The following AP5B1 variants were observed in gnomAD, a reference collection of about 807,000 sequenced individuals.
The protein encoded by AP5B1 is AP-5 complex subunit beta-1.
In AP5B1, 3 loss-of-function variants were observed where a neutral mutation model predicts 5.7. The observed-to-expected ratio is 0.53, with a 90% CI of 0.24 to 1.36. AP5B1 has a LOEUF of 1.36. AP5B1 is among the 40% of genes most tolerant of loss of function. The probability of loss-of-function intolerance (pLI) is 0.17; values close to 1 mark genes in which losing one functional copy is unlikely to be tolerated. For missense variants in AP5B1, 1,310 were observed against 1,143.2 expected (o/e 1.15, Z -2.10); for synonymous variants, 696 against 555.5 (o/e 1.25, Z -3.56).
Position 65,778,661 on chromosome 11 carries a change from T to C in AP5B1, c.1832A>G (p.His611Arg), listed in dbSNP as rs1314220238. The C allele has an allele frequency of 6.4e-7, 1 of 1,562,588 alleles. No individual in the cohort carries two copies. The highest frequency in any genetic ancestry group is 8.6e-7 in the Non-Finnish European group (1 of 1,158,200). The change falls in exon 2 of 2, where the codon CAC becomes CGC. Residue 611 changes from histidine to arginine, a missense_variant. His to Arg is a conservative substitution (Grantham distance 29). Transcript: ENST00000532090. ...RQLEDPDGRD[H>R]ARLYYILLAH... ...CAGCAGGATGTAGTAGAGGCGGGCGTGGTCACGCCCATCAGGGTCCTCCAG... is the reference window on the plus strand; with the variant it reads ...CAGCAGGATGTAGTAGAGGCGGGCGCGGTCACGCCCATCAGGGTCCTCCAG...
Position 65,777,792 on chromosome 11 carries a change from C to T in AP5B1, c.*64G>A, listed in dbSNP as rs1463369538. 3 of 1,441,040 alleles carry T rather than the reference C, an allele frequency of 2.1e-6. No individual in the cohort carries two copies. Among genetic ancestry groups the T allele is most frequent in the Non-Finnish European group, 2.7e-6 (3 of 1,094,008 alleles). 89.3% of individuals were successfully genotyped at this position (1,441,040 alleles called of 1,614,324 possible). A position where few individuals can be genotyped will look rare whatever the true frequency, so the allele number is the denominator to read the frequency against. ...GGAATGCAGGGTTTTGGCGACAGAG[C>T]TACAGGAGTGTGCCTTGGCCCCCAC... On this transcript the variant is annotated 3_prime_UTR_variant, in exon 2 of 2. Transcript: ENST00000532090.
rs1328890582 is a variant in AP5B1, at chr11:65,780,748, G to A, written c.-157C>T. 2 of 723,002 alleles carry A rather than the reference G, an allele frequency of 2.8e-6. No homozygotes were observed. The highest frequency in any genetic ancestry group is 1.9e-5 in the African/African-American group (1 of 53,918). The allele number at this position is 723,002 out of a possible 1,614,324, so 44.8% of individuals were successfully genotyped here. A position where few individuals can be genotyped will look rare whatever the true frequency, so the allele number is the denominator to read the frequency against. ...CGCCCGGCTCCCACGGTGAGACCAG[G>A]GCTCTCGGGGCCGACGCCAGAGCTG... On this transcript the variant is annotated 5_prime_UTR_variant, in exon 1 of 2. Transcript: ENST00000532090.
In AP5B1 at chr11:65,779,363, T is replaced by G; in HGVS notation, c.1130A>C (p.Glu377Ala). 6.3e-7 allele frequency: 1 copy of G among 1,593,454 alleles called. No individual in the cohort carries two copies. Among genetic ancestry groups the G allele is most frequent in the East Asian group, 2.2e-5 (1 of 44,604 alleles). ...FYLHCVLSFP[E>A]NWPLGPEGEE... ...ACCTTCAGGGCCCAGCGGCCAGTTC[T>G]CAGGGAAGCTCAGGACGCAGTGAAG... Residue 377 changes from glutamate (E) to alanine (A), a missense_variant, in exon 2 of 2, where the codon GAG becomes GCG. By Grantham distance (107) the Glu-to-Ala change is moderately radical (BLOSUM62 -1). Transcript: ENST00000532090.
In AP5B1 at chr11:65,777,919, G is replaced by A. The variant is rs757581480; in HGVS notation, c.2574C>T (p.Thr858=). Residue 858 remains threonine (T), a synonymous_variant, in exon 2 of 2, where the codon ACC becomes ACT. Coordinates refer to ENST00000532090, the MANE Select transcript of AP5B1 (RefSeq NM_138368.5). ...LADGVPVALR[T]DDWAVLPLAG... is the part of the protein sequence containing the mutation. ...CCAGGGGCAGCACGGCCCAGTCATC[G>A]GTCCGCAGGGCCACAGGCACTCCAT... 11 of 1,559,134 alleles carry A rather than the reference G, an allele frequency of 7.1e-6. No homozygotes were observed. Among genetic ancestry groups the A allele is most frequent in the East Asian group, 2.4e-5 (1 of 41,356 alleles).
At position 65,778,964 on chromosome 11, in the gene AP5B1, T is replaced by C. The variant is rs2135689189; in HGVS notation, c.1529A>G (p.Gln510Arg). Residue 510 changes from glutamine (Q) to arginine (R), a missense_variant, in exon 2 of 2, where the codon CAG (glutamine) becomes CGG (arginine). Transcript: ENST00000532090. ...LAPHFVDLLDQVDSELREPLK... is the reference protein window; with the variant it reads ...LAPHFVDLLDRVDSELREPLK... The stretch of plus-strand genomic sequence containing the variant: ...GGGCTCCCTCAGCTCAGAGTCCACC[T>C]GATCCAAGAGGTCCACAAAGTGGGG... The C allele has an allele frequency of 1.2e-6, 2 of 1,612,814 alleles. No individual in the cohort carries two copies. Among genetic ancestry groups the C allele is most frequent in the East Asian group, 2.2e-5 (1 of 44,882 alleles).
In AP5B1 at chr11:65,777,743, A is replaced by G. The variant is rs1395147390; in HGVS notation, c.*113T>C. 3 of 1,301,074 alleles carry G rather than the reference A, an allele frequency of 2.3e-6. No homozygotes were observed. The highest frequency in any genetic ancestry group is 3.0e-5 in the African/African-American group (2 of 66,936). The allele number at this position is 1,301,074 out of a possible 1,614,324, so 80.6% of individuals were successfully genotyped here. On this transcript the variant is annotated 3_prime_UTR_variant, in exon 2 of 2. Coordinates refer to ENST00000532090, the MANE Select transcript of AP5B1 (RefSeq NM_138368.5). ...CCTGCTCCCAACCGGGGCCCAAAAGAAAACAAGCCAGCGAGGGCACTGCGG... is the reference window on the plus strand; with the variant it reads ...CCTGCTCCCAACCGGGGCCCAAAAGGAAACAAGCCAGCGAGGGCACTGCGG...
At position 65,780,345 on chromosome 11, in the gene AP5B1, G is replaced by GGAT; in HGVS notation, c.151-6_151-4dup. The stretch of plus-strand genomic sequence containing the variant: ...ATGCTCAGGGCCAGCAGGGAAACCT[G>GGAT]GATGGGGGATTAGGAGGGAATCACG... On this transcript the variant is annotated splice_polypyrimidine_tract_variant and splice_region_variant and intron_variant, in intron 1 of 1. Transcript: ENST00000532090. The GGAT allele has an allele frequency of 6.8e-7, 1 of 1,467,240 alleles. No individual in the cohort carries two copies. Among genetic ancestry groups the GGAT allele is most frequent in the Non-Finnish European group, 9.0e-7 (1 of 1,109,444 alleles). 90.9% of individuals were successfully genotyped at this position (1,467,240 alleles called of 1,614,324 possible).
In AP5B1 at chr11:65,780,587, C is replaced by T; in HGVS notation, c.5G>A (p.Gly2Glu). Reference protein sequence around the residue: MGPLSRDAWAQR... With the variant: MEPLSRDAWAQR... The stretch of plus-strand genomic sequence containing the variant: ...GGCCCAGGCGTCCCGGCTCAGGGGC[C>T]CCATGGTGAGGCGCGCGGGCCCCTG... Residue 2 changes from glycine (G) to glutamate (E), a missense_variant, in exon 1 of 2, where the codon GGG (glycine) becomes GAG (glutamate). Transcript: ENST00000532090. The T allele has an allele frequency of 1.4e-6, 2 of 1,448,396 alleles. No individual in the cohort carries two copies. Among genetic ancestry groups the T allele is most frequent in the South Asian group, 1.3e-5 (1 of 75,128 alleles). 89.7% of individuals were successfully genotyped at this position (1,448,396 alleles called of 1,614,324 possible).
Position 65,778,858 on chromosome 11 carries a change from T to C in AP5B1, c.1635A>G (p.Ala545=). 1.2e-6 allele frequency: 2 copies of C among 1,609,276 alleles called. No homozygotes were observed. Among genetic ancestry groups the C allele is most frequent in the Non-Finnish European group, 1.7e-6 (2 of 1,177,802 alleles). The part of the protein sequence containing the change: ...EALCWHLQML[A]KVADGDAQSA... ...TCTGGGCATCTCCATCTGCCACCTT[T>C]GCCAGCATTTGCAGGTGCCAGCAAA... is the stretch of plus-strand genomic sequence containing the variant. The change falls in exon 2 of 2, where the codon GCA becomes GCG. Residue 545 remains alanine (A), a synonymous_variant. Transcript: ENST00000532090.
rs1246745775 is a variant in AP5B1 at position 65,780,510 on chromosome 11, C to T, written c.82G>A (p.Glu28Lys). The T allele has an allele frequency of 1.2e-5, 18 of 1,519,176 alleles. No homozygotes were observed. Among genetic ancestry groups the T allele is most frequent in the African/African-American group, 1.4e-5 (1 of 70,910 alleles). The allele number at this position is 1,519,176 out of a possible 1,614,324, so 94.1% of individuals were successfully genotyped here. Reference sequence around the variant, plus strand: ...AGGTCGCGACCCAAATCCTCCCCCTCGGGACCTGCCATGAAGGCAGACGGG... The same window carrying T: ...AGGTCGCGACCCAAATCCTCCCCCTTGGGACCTGCCATGAAGGCAGACGGG... Reference protein sequence around the residue: ...ASPSAFMAGPEGEDLGRDLLS... With the variant: ...ASPSAFMAGPKGEDLGRDLLS... Residue 28 changes from glutamate (E) to lysine (K), a missense_variant, in exon 1 of 2, where the codon GAG becomes AAG. Transcript: ENST00000532090.
chr11:65,775,872 A>G lies in AP5B1; in HGVS notation c.*1984T>C. 6.6e-6 allele frequency: 1 copy of G among 152,036 alleles called. No individual in the cohort carries two copies. The highest frequency in any genetic ancestry group is 2.1e-4 in the South Asian group (1 of 4,814). The allele number at this position is 152,036 out of a possible 1,614,324, so 9.4% of individuals were successfully genotyped here. On this transcript the variant is annotated 3_prime_UTR_variant, in exon 2 of 2. Coordinates refer to ENST00000532090, the MANE Select transcript of AP5B1 (RefSeq NM_138368.5). Reference sequence around the variant, plus strand: ...CCTCCTGACTCCACCTATTAACAGTACCACTGTCCCAGGCCCTTTCTTTTT... The same window carrying G: ...CCTCCTGACTCCACCTATTAACAGTGCCACTGTCCCAGGCCCTTTCTTTTT...
In AP5B1 at chr11:65,777,785, G is replaced by A. The variant is rs1295446070; in HGVS notation, c.*71C>T. The stretch of plus-strand genomic sequence containing the variant: ...GCACTGCGGAATGCAGGGTTTTGGC[G>A]ACAGAGCTACAGGAGTGTGCCTTGG... On this transcript the variant is annotated 3_prime_UTR_variant, in exon 2 of 2. Coordinates refer to ENST00000532090, the MANE Select transcript of AP5B1 (RefSeq NM_138368.5). The A allele has an allele frequency of 8.4e-6, 12 of 1,427,998 alleles. No individual in the cohort carries two copies. The highest frequency in any genetic ancestry group is 5.8e-5 in the African/African-American group (4 of 69,244). The allele number at this position is 1,427,998 out of a possible 1,614,324, so 88.5% of individuals were successfully genotyped here.
chr11:65,779,314 T>G lies in AP5B1; in HGVS notation c.1179A>C (p.Leu393=). Residue 393 remains leucine (L), a synonymous_variant, in exon 2 of 2, where the codon CTA becomes CTC. Coordinates refer to ENST00000532090, the MANE Select transcript of AP5B1 (RefSeq NM_138368.5). ...GGAGACCACGGCATAGCTGGGGCCC[T>G]AGCAGCAGTGGGGCAGCCTCCTCAC... The part of the protein sequence containing the change: ...PEGEEAAPLL[L]GPQLCRGLLP... 1.3e-6 allele frequency: 2 copies of G among 1,599,292 alleles called. No homozygotes were observed. The highest frequency in any genetic ancestry group is 1.7e-6 in the Non-Finnish European group (2 of 1,172,344).
chr11:65,779,758 A>T lies in AP5B1; in HGVS notation c.735T>A (p.Ala245=), dbSNP rs746667720. The part of the protein sequence containing the change: ...LQPQAPSWPA[A]EEGEGERSLT... ...GGCTACGCTCCCCCTCTCCCTCCTC[A>T]GCTGCCGGCCAGCTGGGTGCCTGGG... Residue 245 remains alanine, a synonymous_variant, in exon 2 of 2, where the codon GCT becomes GCA. Coordinates refer to ENST00000532090, the MANE Select transcript of AP5B1 (RefSeq NM_138368.5). 1 of 1,589,792 alleles carries T rather than the reference A, an allele frequency of 6.3e-7. No homozygotes were observed. Among genetic ancestry groups the T allele is most frequent in the South Asian group, 1.1e-5 (1 of 88,080 alleles).
At position 65,774,821 on chromosome 11, in the gene AP5B1, TGAC is replaced by T. The variant is rs1295081390; in HGVS notation, c.*3032_*3034del. The stretch of plus-strand genomic sequence containing the variant: ...GCAACGTCCACACAGGTGGACAAGG[TGAC>T]CCGTGTGACTTTGGTTCCCTCTCTT... On this transcript the variant is annotated 3_prime_UTR_variant, in exon 2 of 2. Transcript: ENST00000532090. Among the ~76,000 whole-genome samples the T allele has an allele frequency of 2.6e-5, 4 of 152,196 alleles. No individual in the cohort carries two copies. The highest frequency in any genetic ancestry group is 9.7e-5 in the African/African-American group (4 of 41,444).
rs919079411 is a variant in AP5B1 at position 65,780,816 on chromosome 11, G to A, written c.-225C>T. On this transcript the variant is annotated 5_prime_UTR_variant, in exon 1 of 2. Transcript: ENST00000532090. ...GGGACAGGACAGGAGCAGGGCGGGG[G>A]AGGGTGCGTGCCGAGAGCTCGTTAG... 2.7e-6 allele frequency: 1 copy of A among 374,554 alleles called. No homozygotes were observed. The highest frequency in any genetic ancestry group is 4.6e-6 in the Non-Finnish European group (1 of 216,118). The allele number at this position is 374,554 out of a possible 1,614,324, so 23.2% of individuals were successfully genotyped here. A position where few individuals can be genotyped will look rare whatever the true frequency, so the allele number is the denominator to read the frequency against.
Position 65,777,884 on chromosome 11 carries a change from T to C in AP5B1, c.2609A>G (p.Tyr870Cys). Reference protein sequence around the residue: ...DWAVLPLAGDYLRGLAAAV With the variant: ...DWAVLPLAGDCLRGLAAAV ...GACAGCAGCCGCCAGCCCACGGAGG[T>C]AGTCCCCCGCCAGGGGCAGCACGGC... The change falls in exon 2 of 2, where the codon TAC (tyrosine) becomes TGC (cysteine). Residue 870 changes from tyrosine to cysteine, a missense_variant. Coordinates refer to ENST00000532090, the MANE Select transcript of AP5B1 (RefSeq NM_138368.5). 3 of 1,539,548 alleles carry C rather than the reference T, an allele frequency of 1.9e-6. No individual in the cohort carries two copies. Among genetic ancestry groups the C allele is most frequent in the Non-Finnish European group, 2.6e-6 (3 of 1,140,658 alleles).
rs1857774444 is a variant in AP5B1 at position 65,777,190 on chromosome 11, A to C, written c.*666T>G. 1.3e-5 allele frequency: 2 copies of C among 152,276 alleles called. No homozygotes were observed. The allele number at this position is 152,276 out of a possible 1,614,324, so 9.4% of individuals were successfully genotyped here. The stretch of plus-strand genomic sequence containing the variant: ...CACTCTAGCTTCAGCCTTCTTCCTA[A>C]ATCACTGAGTGGCCTTGGGCAAGGC... On this transcript the variant is annotated 3_prime_UTR_variant, in exon 2 of 2. Coordinates refer to ENST00000532090, the MANE Select transcript of AP5B1 (RefSeq NM_138368.5).
Position 65,777,797 on chromosome 11 carries a change from G to C in AP5B1, c.*59C>G. The C allele has an allele frequency of 6.9e-7, 1 of 1,445,236 alleles. No homozygotes were observed. The allele number at this position is 1,445,236 out of a possible 1,614,324, so 89.5% of individuals were successfully genotyped here. On this transcript the variant is annotated 3_prime_UTR_variant, in exon 2 of 2. Transcript: ENST00000532090. The stretch of plus-strand genomic sequence containing the variant: ...GCAGGGTTTTGGCGACAGAGCTACA[G>C]GAGTGTGCCTTGGCCCCCACAAGGG...
Sources: gnomAD v4.1 joint callset for allele counts (sites outside exome capture counted in the v4.1 genomes callset) on GRCh38, gnomAD v4.1.1 for gene constraint, MANE v1.5 for transcripts, NCBI Gene and HGNC (gene_info 2026-07-23, HGNC 2026-07-21) for gene names.